Variants in GPATCH2 observed in about 807,000 individuals in gnomAD.
The protein encoded by GPATCH2 is G patch domain-containing protein 2.
GPATCH2 carries 51 observed loss-of-function variants against 58.0 expected under a neutral mutation model. The ratio of observed to expected loss-of-function variants is 0.88; its 90% CI spans 0.70 to 1.11. GPATCH2 has a LOEUF of 1.11. Ranked by LOEUF, GPATCH2 falls within the 50% of genes most tolerant of loss-of-function variation. The pLI is 0.00. For synonymous variants in GPATCH2, 222 were observed against 218.5 expected, an observed-to-expected ratio of 1.02 and a Z score of -0.14; for missense variants, 625 against 652.2, an observed-to-expected ratio of 0.96 and a Z score of 0.45.
intron 8 of GPATCH2, among the ~76,000 whole-genome samples, chr1:217,486,870 G>A (rs2102526080): frequency 6.6e-6 from 1 of 152,214 alleles, no homozygotes; most frequent in African/African-American, 2.4e-5. Context: ...TCAGCACTGG[G>A]TTTTAGAGGG....
At chr1:217,439,702 A>T (rs1659041872) in intron 9 of GPATCH2, among the ~76,000 whole-genome samples, 1 of 152,238 alleles carries the variant, frequency 6.6e-6, no homozygotes, top group Non-Finnish European at 1.5e-5. Context: ...GATCCCACAG[A>T]TATACAAAAT....
At chr1:217,458,028 A>C (rs1660026861) in intron 8 of GPATCH2, among the ~76,000 whole-genome samples, 1 of 152,100 alleles carries the variant, frequency 6.6e-6, no homozygotes, top group African/African-American at 2.4e-5. Flanking sequence ...GAGATAGAGA[A>C]TATCCTGGCT....
chr1:217,629,867 A>C (rs1239317612), intron 1 of GPATCH2, among the ~76,000 whole-genome samples: 3 of 152,202 alleles, frequency 2.0e-5, no homozygotes, highest in African/African-American at 4.8e-5. Context: ...GTCCAACTAG[A>C]AATATTTTGG....
intron 8 of GPATCH2, among the ~76,000 whole-genome samples, chr1:217,480,099 A>G (rs974282251): frequency 6.6e-6 from 1 of 151,880 alleles, no homozygotes; most frequent in African/African-American, 2.4e-5. Flanking sequence ...CTTGAGTAAT[A>G]CCCCATGAGC....
rs145078732 is a variant in GPATCH2, at chr1:217,525,514, C to T, written c.1099-10625G>A. 5.3e-3 allele frequency among the ~76,000 whole-genome samples: 809 copies of T among 152,242 alleles called. 6 individuals carry two copies. Among genetic ancestry groups the T allele is most frequent in the African/African-American group, 0.018 (753 of 41,526 alleles). ...TTAAAGTCTTCATTCCCATTTCCCA[C>T]AATTTTACCAAAGGTTAAAAAACAA... On this transcript the variant is annotated intron_variant, in intron 5 of 9. Transcript: ENST00000366935.
At chr1:217,547,339 G>C (rs1454408158) in intron 5 of GPATCH2, among the ~76,000 whole-genome samples, 1 of 139,556 alleles carries the variant, frequency 7.2e-6, no homozygotes, top group Admixed American at 7.8e-5. Flanking sequence ...CTCCAGCCTG[G>C]GTGACAGCGC....
chr1:217,573,673 T>G (rs976462013), intron 5 of GPATCH2, among the ~76,000 whole-genome samples: 2 of 152,162 alleles, frequency 1.3e-5, no homozygotes, highest in African/African-American at 4.8e-5. Context: ...CTAACTAAAC[T>G]TTACGAGTCA....
At chr1:217,508,228 T>C (rs1480192989) in intron 6 of GPATCH2, among the ~76,000 whole-genome samples, 5 of 152,116 alleles carry the variant, frequency 3.3e-5, no homozygotes, top group Admixed American at 2.6e-4. Context: ...AAAGACACTT[T>C]CACTATAAAG....
intron 5 of GPATCH2, among the ~76,000 whole-genome samples, chr1:217,532,900 G>T (rs12144250): frequency 1.8e-3 from 196 of 110,708 alleles, no homozygotes; most frequent in Middle Eastern, 0.011. Flanking sequence ...TTTTTTTTTT[G>T]TTTTTTTTTT....
chr1:217,520,748 C>T (rs1279751276), intron 5 of GPATCH2, among the ~76,000 whole-genome samples: 1 of 152,094 alleles, frequency 6.6e-6, no homozygotes, highest in African/African-American at 2.4e-5. Flanking sequence ...ATAATGATCA[C>T]AAAAGATATA....
At chr1:217,607,537 T>C (rs546647312) in intron 5 of GPATCH2, among the ~76,000 whole-genome samples, 1 of 152,280 alleles carries the variant, frequency 6.6e-6, no homozygotes, top group East Asian at 1.9e-4. Flanking sequence ...CTATTGGCCA[T>C]GAGTTCGATG....
In GPATCH2 at chr1:217,428,878, A is replaced by G. The variant is rs1658416027; in HGVS notation, c.*2267T>C. On this transcript the variant is annotated 3_prime_UTR_variant, in exon 10 of 10. Coordinates refer to ENST00000366935, the MANE Select transcript of GPATCH2 (RefSeq NM_018040.5). Reference sequence around the variant, plus strand: ...AAAGAGCACTCATAAGGACTGCAATATTTAATGAAGAAGTTCCTATACACT... The same window carrying G: ...AAAGAGCACTCATAAGGACTGCAATGTTTAATGAAGAAGTTCCTATACACT... 1 of 152,194 alleles carries G rather than the reference A, an allele frequency of 6.6e-6. No homozygotes were observed. 9.4% of individuals were successfully genotyped at this position (152,194 alleles called of 1,614,324 possible). A position where few individuals can be genotyped will look rare whatever the true frequency, so the allele number is the denominator to read the frequency against.
At chr1:217,538,932 C>T (rs1427068048) in intron 5 of GPATCH2, among the ~76,000 whole-genome samples, 5 of 152,126 alleles carry the variant, frequency 3.3e-5, no homozygotes, top group Non-Finnish European at 7.3e-5. Context: ...TCACTGCCCC[C>T]TTTATCAAAT....
At chr1:217,530,692 C>T (rs1664143677) in intron 5 of GPATCH2, among the ~76,000 whole-genome samples, 1 of 152,052 alleles carries the variant, frequency 6.6e-6, no homozygotes, top group South Asian at 2.1e-4. Flanking sequence ...AGTGCAGATA[C>T]ATATTTAGTT....
intron 9 of GPATCH2, among the ~76,000 whole-genome samples, chr1:217,432,740 T>C (rs113364516): frequency 2.6e-5 from 4 of 152,186 alleles, no homozygotes; most frequent in East Asian, 3.9e-4. Flanking sequence ...AATATTGCAG[T>C]CTTTGAGAAA....
At chr1:217,595,507 CTT>C (rs35541856) in intron 5 of GPATCH2, among the ~76,000 whole-genome samples, 2 of 146,556 alleles carry the variant, frequency 1.4e-5, no homozygotes. Context: ...TTCTTTTTTT[CTT>C]TTTTTTTTTG....
intron 9 of GPATCH2, among the ~76,000 whole-genome samples, chr1:217,444,417 G>A (rs1241239376): frequency 1.3e-5 from 2 of 152,148 alleles, no homozygotes; most frequent in Non-Finnish European, 2.9e-5. Context: ...CTTTCCTGTA[G>A]TCTCAGCTAT....
chr1:217,542,464 A>G (rs1259655384), intron 5 of GPATCH2, among the ~76,000 whole-genome samples: 1 of 152,188 alleles, frequency 6.6e-6, no homozygotes, highest in Non-Finnish European at 1.5e-5. Context: ...AAAGAAAAAA[A>G]TTCCTCTTTT....
chr1:217,449,208 C>T (rs892854714), intron 9 of GPATCH2, 41 bp downstream of exon 9: 4 of 988,144 alleles, frequency 4.0e-6, no homozygotes, highest in Non-Finnish European at 4.9e-6. Context: ...GATTTATGAA[C>T]TCTACATTTG....
Sources: gnomAD v4.1 joint callset for allele counts (sites outside exome capture counted in the v4.1 genomes callset) on GRCh38, gnomAD v4.1.1 for gene constraint, MANE v1.5 for transcripts, NCBI Gene and HGNC (gene_info 2026-07-23, HGNC 2026-07-21) for gene names.